ACAD8: variants seen among roughly 807,000 people sequenced by gnomAD.
ACAD8 encodes isobutyryl-CoA dehydrogenase, mitochondrial.
In ACAD8, 47 loss-of-function variants were observed where a neutral mutation model predicts 53.1. The ratio of observed to expected loss-of-function variants is 0.89; its 90% CI spans 0.70 to 1.13. The LOEUF is 1.13. Among genes scored for constraint, ACAD8 ranks in the 50% most tolerant of loss-of-function variants. The pLI, the probability that ACAD8 is intolerant of heterozygous loss-of-function variation, is 0.00. For synonymous variants in ACAD8, 198 were observed against 201.3 expected (o/e 0.98, Z 0.14); for missense variants, 494 against 535.0 (o/e 0.92, Z 0.76).
intron 4 of ACAD8, 122 bp from the exon 5 acceptor site, chr11:134,258,886 A>C: frequency 1.1e-6 from 1 of 934,154 alleles, no homozygotes. Context: ...TGGGTTTTGC[A>C]GTGACACACT....
rs201593770 is a variant in ACAD8, at chr11:134,261,097, C to T, written c.759C>T (p.Val253=). The stretch of plus-strand genomic sequence containing the variant: ...CTGTGATCTTCGAAGACTGTGCTGT[C>T]CCTGTGGCCAACAGAATTGGGAGCG... ...TRAVIFEDCA[V]PVANRIGSEG... The change falls in exon 7 of 11, where the codon GTC becomes GTT. Residue 253 remains valine, a synonymous_variant. Transcript: ENST00000281182. The surrounding 1 kb of genome is among the most constrained non-coding windows in gnomAD (Gnocchi z 4.2). 1.5e-5 allele frequency: 24 copies of T among 1,612,260 alleles called. No homozygotes were observed. In the East Asian group the frequency reaches 4.9e-4, roughly 33 times the overall value.
chr11:134,263,193 A>G (rs1383556715), intron 10 of ACAD8: 3 of 1,051,516 alleles, frequency 2.9e-6, no homozygotes, highest in Non-Finnish European at 3.5e-6. Flanking sequence ...TCCACTCTCT[A>G]CAGCCAGTGC....
intron 10 of ACAD8, 99 bp from the exon 11 acceptor site, chr11:134,264,809 C>A: frequency 1.0e-6 from 1 of 1,003,900 alleles, no homozygotes; most frequent in Non-Finnish European, 1.6e-6. Flanking sequence ...TTTAAATCTG[C>A]AGCTACTCTG....
At chr11:134,258,129 T>C (rs950398251) in intron 3 of ACAD8, 3 of 332,880 alleles carry the variant, frequency 9.0e-6, no homozygotes, top group South Asian at 2.5e-5. Flanking sequence ...GGATTACAGA[T>C]GTGAGCCACC....
chr11:134,257,024 G>T (rs983622338), intron 2 of ACAD8, 64 bp from the exon 3 acceptor site: 3 of 1,561,948 alleles, frequency 1.9e-6, no homozygotes, highest in African/African-American at 1.4e-5. Flanking sequence ...CCCTCACTGT[G>T]CCCTCTAAAA....
In ACAD8 at chr11:134,261,619, A is replaced by T; in HGVS notation, c.940-119A>T. Reference sequence around the variant, plus strand: ...ATTTCCTCTATAGAAAAAGCAAGAGACTTTGAAGCTTTGGATCACTTAGAA... The same window carrying T: ...ATTTCCTCTATAGAAAAAGCAAGAGTCTTTGAAGCTTTGGATCACTTAGAA... On this transcript the variant is annotated intron_variant, in intron 8 of 10. Coordinates refer to ENST00000281182, the MANE Select transcript of ACAD8 (RefSeq NM_014384.3). This position sits in a 1 kb window ranked among gnomAD's most constrained non-coding sequence, Gnocchi z 4.2. 6.4e-7 allele frequency: 1 copy of T among 1,566,306 alleles called. No individual in the cohort carries two copies. Among genetic ancestry groups the T allele is most frequent in the Non-Finnish European group, 8.6e-7 (1 of 1,161,804 alleles).
At chr11:134,253,810 C>T in intron 1 of ACAD8, 101 bp downstream of exon 1, 2 of 1,238,628 alleles carry the variant, frequency 1.6e-6, no homozygotes, top group East Asian at 2.5e-5. Flanking sequence ...GTCACCCCGG[C>T]GTCAGCTCCC....
At chr11:134,260,805 C>T in intron 6 of ACAD8, 1 of 547,896 alleles carries the variant, frequency 1.8e-6, no homozygotes, top group South Asian at 2.0e-5. Context: ...GTAGGTTAGT[C>T]AGGTAGAGTA....
Position 134,265,140 on chromosome 11 carries a change from C to T in ACAD8, c.*180C>T. 1.5e-6 allele frequency: 1 copy of T among 663,486 alleles called. No individual in the cohort carries two copies. Among genetic ancestry groups the T allele is most frequent in the Admixed American group, 2.5e-5 (1 of 40,686 alleles). The allele number at this position is 663,486 out of a possible 1,614,324, so 41.1% of individuals were successfully genotyped here. On this transcript the variant is annotated 3_prime_UTR_variant, in exon 11 of 11. Transcript: ENST00000281182. ...CGGGTCTTGGACTGGGGCAGAATCC[C>T]CAGTGGAACCGGAAGAGCTGGACTG...
At chr11:134,257,623 A>C (rs957181991) in intron 3 of ACAD8, 38 of 344,926 alleles carry the variant, frequency 1.1e-4, no homozygotes, top group Middle Eastern at 1.0e-3. Flanking sequence ...CAGTGAGCCG[A>C]GATGGACCAC....
intron 1 of ACAD8, among the ~76,000 whole-genome samples, chr11:134,254,020 A>AT (rs1317575892): frequency 1.9e-5 from 2 of 107,144 alleles, no homozygotes; most frequent in African/African-American, 3.7e-5. Context: ...CCGGCCGGTC[A>AT]CCCCCCGCAG....
intron 1 of ACAD8, 75 bp downstream of exon 1, chr11:134,253,784 C>T: frequency 7.1e-7 from 1 of 1,405,564 alleles, no homozygotes; most frequent in Non-Finnish European, 9.8e-7. Flanking sequence ...GGGCTGCAGT[C>T]TCCCCGTTCC....
chr11:134,264,483 ACTCCAGC>A (rs1940078411), intron 10 of ACAD8, among the ~76,000 whole-genome samples: 2 of 152,242 alleles, frequency 1.3e-5, no homozygotes, highest in South Asian at 4.1e-4. Flanking sequence ...ACACCACTGC[ACTCCAGC>A]CTGGGCGACA....
Position 134,264,115 on chromosome 11 carries a change from C to T in ACAD8, c.1196-793C>T, listed in dbSNP as rs553234162. On this transcript the variant is annotated intron_variant, in intron 10 of 10. Coordinates refer to ENST00000281182, the MANE Select transcript of ACAD8 (RefSeq NM_014384.3). ...ATCGCCGCACTTTGGGAGGCTGAGG[C>T]GGGTGGATCGCGTGAGGCCAGGAGT... The T allele has an allele frequency of 3.4e-5, 31 of 924,820 alleles. No individual in the cohort carries two copies. The African/African-American group carries it at 3.8e-4, about 11-fold the overall frequency. 57.3% of individuals were successfully genotyped at this position (924,820 alleles called of 1,614,324 possible). A position where few individuals can be genotyped will look rare whatever the true frequency, so the allele number is the denominator to read the frequency against.
intron 10 of ACAD8, chr11:134,263,022 T>C (rs1939991070): frequency 1.7e-6 from 2 of 1,187,736 alleles, no homozygotes; most frequent in Non-Finnish European, 2.1e-6. Flanking sequence ...TAGCTCTATA[T>C]TGATTATCAG....
chr11:134,255,219 C>T (rs1339233301), intron 1 of ACAD8, among the ~76,000 whole-genome samples: 2 of 152,214 alleles, frequency 1.3e-5, no homozygotes, highest in Non-Finnish European at 2.9e-5. Flanking sequence ...TCACCGCAAC[C>T]TCTGCCCCAC....
intron 10 of ACAD8, 124 bp downstream of exon 10, chr11:134,262,746 TTCC>T: frequency 6.6e-7 from 1 of 1,510,700 alleles, no homozygotes. Flanking sequence ...GTCTCGAGGC[TTCC>T]TCCTCCCTCC....
intron 10 of ACAD8, chr11:134,263,259 G>A (rs1591517917): frequency 3.0e-5 from 30 of 1,004,858 alleles, no homozygotes; most frequent in Non-Finnish European, 3.6e-5. Flanking sequence ...AGGCTTCTTT[G>A]AGTGACTTCG....
intron 1 of ACAD8, 65 bp downstream of exon 1, chr11:134,253,774 G>A: frequency 6.8e-7 from 1 of 1,460,078 alleles, no homozygotes; most frequent in Non-Finnish European, 9.4e-7. Flanking sequence ...TGTCCGCGAG[G>A]GGCTGCAGTC....
Sources: gnomAD v4.1 joint callset for allele counts (sites outside exome capture counted in the v4.1 genomes callset) on GRCh38, gnomAD v4.1.1 for gene constraint, Gnocchi (gnomAD v3.1) non-coding constraint, MANE v1.5 for transcripts, NCBI Gene and HGNC (gene_info 2026-07-23, HGNC 2026-07-21) for gene names.